Variants in KLF17 observed in about 807,000 individuals in gnomAD.
KLF17 encodes the protein KLF transcription factor 17.
Under a neutral mutation model 34.2 loss-of-function variants are expected in KLF17, and 31 were observed. The ratio of observed to expected loss-of-function variants is 0.91; its 90% CI spans 0.68 to 1.22. The LOEUF is 1.22. KLF17 is among the 50% of genes most tolerant of loss of function. The probability of loss-of-function intolerance (pLI) is 0.00; values close to 1 mark genes in which losing one functional copy is unlikely to be tolerated. For missense variants in KLF17, 478 were observed against 505.2 expected, an observed-to-expected ratio of 0.95 and a Z score of 0.52; for synonymous variants, 179 against 186.7, an observed-to-expected ratio of 0.96 and a Z score of 0.34.
At chr1:44,104,692 C>T in the KLF17 span, 176 of 401,762 alleles carry the variant, frequency 4.4e-4, no homozygotes, top group East Asian at 8.4e-3. Context: ...TGGGCCCACT[C>T]GTATAGGAGC....
At chr1:44,103,766 A>G in the KLF17 span, 8 of 1,099,302 alleles carry the variant, frequency 7.3e-6, no homozygotes, top group Non-Finnish European at 1.1e-5. Flanking sequence ...GCTGCTCGGC[A>G]TCTGTGATGG....
the KLF17 span, among the ~76,000 whole-genome samples, chr1:44,105,983 G>C: frequency 6.6e-6 from 1 of 152,060 alleles, no homozygotes; most frequent in Admixed American, 6.5e-5. Flanking sequence ...GGGCAACATA[G>C]TGAGATCCCA....
At position 44,118,894 on chromosome 1, in the gene KLF17, C is replaced by T; in HGVS notation, c.-14C>T. The T allele has an allele frequency of 1.9e-6, 3 of 1,606,880 alleles. No individual in the cohort carries two copies. Among genetic ancestry groups the T allele is most frequent in the Non-Finnish European group, 2.5e-6 (3 of 1,176,894 alleles). On this transcript the variant is annotated 5_prime_UTR_variant, in exon 1 of 4. Transcript: ENST00000372299. ...TGTCTCTTCAGTAGAGAGTCTAGAC[C>T]CCACCCAGTCTTCATGTACGGCCGA...
chr1:44,135,140 A>G lies in KLF17; in HGVS notation c.*1903A>G, dbSNP rs2088153741. ...TGTAAAAAATAAAATTAAAAGAAAA[A>G]GAAGGGAAAGTGATCTACTAGTACA... is the stretch of plus-strand genomic sequence containing the variant. On this transcript the variant is annotated 3_prime_UTR_variant, in exon 4 of 4. Coordinates refer to ENST00000372299, the MANE Select transcript of KLF17 (RefSeq NM_173484.4). The G allele has an allele frequency of 6.6e-6, 1 of 152,170 alleles. No homozygotes were observed. The highest frequency in any genetic ancestry group is 1.5e-5 in the Non-Finnish European group (1 of 68,028). 9.4% of individuals were successfully genotyped at this position (152,170 alleles called of 1,614,324 possible). A position where few individuals can be genotyped will look rare whatever the true frequency, so the allele number is the denominator to read the frequency against.
the KLF17 span, among the ~76,000 whole-genome samples, chr1:44,080,935 G>A: frequency 0.016 from 2,466 of 151,454 alleles, 80 homozygotes; most frequent in African/African-American, 0.057. Flanking sequence ...ACCTGGTCTC[G>A]AACTCCTGGA....
the KLF17 span, chr1:44,104,606 C>A: frequency 1.7e-6 from 1 of 580,600 alleles, no homozygotes; most frequent in Non-Finnish European, 3.2e-6. Flanking sequence ...GCTGGTCCCA[C>A]CATAGCCTCT....
chr1:44,058,117 G>C, the KLF17 span, among the ~76,000 whole-genome samples: 2 of 152,186 alleles, frequency 1.3e-5, no homozygotes, highest in Non-Finnish European at 2.9e-5. Flanking sequence ...TACAGCTAAA[G>C]TGACCCAGCA....
the KLF17 span, among the ~76,000 whole-genome samples, chr1:44,096,712 A>T: frequency 2.7e-5 from 4 of 149,516 alleles, no homozygotes; most frequent in African/African-American, 9.8e-5. Context: ...CGGTTTTTAA[A>T]AAAAAATTTT....
the KLF17 span, among the ~76,000 whole-genome samples, chr1:44,077,355 T>G: frequency 6.6e-6 from 1 of 151,224 alleles, no homozygotes. Context: ...AAAAAATAAA[T>G]AAAAAAGAAA....
the KLF17 span, among the ~76,000 whole-genome samples, chr1:44,099,833 GA>G: frequency 1.7e-4 from 2 of 11,856 alleles, no homozygotes; most frequent in Admixed American, 1.0e-3. Context: ...AAAGAAGAAA[GA>G]AAGAAAGAAA....
At chr1:44,096,237 T>G in the KLF17 span, among the ~76,000 whole-genome samples, 1 of 151,594 alleles carries the variant, frequency 6.6e-6, no homozygotes, top group Non-Finnish European at 1.5e-5. Context: ...CCACTGCACC[T>G]GGCCTTGGTG....
the KLF17 span, among the ~76,000 whole-genome samples, chr1:44,072,544 A>G: frequency 2.6e-5 from 4 of 151,970 alleles, no homozygotes; most frequent in South Asian, 8.3e-4. Context: ...AAATAAATAA[A>G]TAAATAAATA....
Position 44,129,876 on chromosome 1 carries a change from A to G in KLF17, c.605A>G (p.Gln202Arg), listed in dbSNP as rs2154311799. 1 of 1,614,216 alleles carries G rather than the reference A, an allele frequency of 6.2e-7. No homozygotes were observed. The highest frequency in any genetic ancestry group is 1.6e-4 in the Middle Eastern group (1 of 6,062). Residue 202 changes from glutamine (Q) to arginine (R), a missense_variant, in exon 2 of 4, where the codon CAG becomes CGG. By Grantham distance (43) the Gln-to-Arg change is conservative. Transcript: ENST00000372299. ...LGPTVPSTEA[Q>R]AVLPSMAQML... ...CCGACTGTGCCTTCCACTGAGGCCCAGGCAGTGCTCCCCTCCATGGCTCAG... is the reference window on the plus strand; with the variant it reads ...CCGACTGTGCCTTCCACTGAGGCCCGGGCAGTGCTCCCCTCCATGGCTCAG...
At chr1:44,123,059 A>G (rs575495031) in intron 1 of KLF17, among the ~76,000 whole-genome samples, 3 of 152,224 alleles carry the variant, frequency 2.0e-5, no homozygotes, top group East Asian at 3.9e-4. Flanking sequence ...TCTATTAGCA[A>G]TCTTCAAAGT....
rs142737468 is a variant in KLF17 at position 44,128,334 on chromosome 1, C to T, written c.82-1019C>T. Reference sequence around the variant, plus strand: ...GTGCTGGGATTACCTAGTTGTGAGCCGCTGCGCCTGGACTACTGACAGCTT... The same window carrying T: ...GTGCTGGGATTACCTAGTTGTGAGCTGCTGCGCCTGGACTACTGACAGCTT... On this transcript the variant is annotated intron_variant, in intron 1 of 3. Transcript: ENST00000372299. Among the ~76,000 whole-genome samples the T allele has an allele frequency of 1.0e-3, 152 of 152,234 alleles. 3 individuals are homozygous for T. The East Asian group carries it at 0.013, about 13-fold the overall frequency.
the KLF17 span, chr1:44,088,296 T>A: frequency 6.6e-6 from 1 of 152,150 alleles, no homozygotes; most frequent in Admixed American, 6.6e-5. Context: ...TGTATTTTTT[T>A]AGTAGAGATG....
chr1:44,095,439 T>C, the KLF17 span, among the ~76,000 whole-genome samples: 1 of 148,252 alleles, frequency 6.7e-6, no homozygotes, highest in Non-Finnish European at 1.5e-5. Context: ...GGTCTTGAAC[T>C]CCCGACCTCA....
the KLF17 span, among the ~76,000 whole-genome samples, chr1:44,046,539 TCACA>T: frequency 6.6e-3 from 168 of 25,330 alleles, no homozygotes; most frequent in South Asian, 0.048. Flanking sequence ...ACACACACAC[TCACA>T]CACACACACA....
In KLF17 at chr1:44,132,247, G is replaced by T. The variant is rs1232198338; in HGVS notation, c.*1-991G>T. Among the ~76,000 whole-genome samples the T allele has an allele frequency of 2.0e-5, 3 of 152,042 alleles. No homozygotes were observed. In the East Asian group the frequency reaches 5.8e-4, roughly 29 times the overall value. ...CTTGAACCCGGGAGGTGGAGGTTGCGGTGAGCCAAGATTGTGCCATTGCAC... is the reference window on the plus strand; with the variant it reads ...CTTGAACCCGGGAGGTGGAGGTTGCTGTGAGCCAAGATTGTGCCATTGCAC... On this transcript the variant is annotated intron_variant, in intron 3 of 3. Transcript: ENST00000372299.
Sources: gnomAD v4.1 joint callset for allele counts (sites outside exome capture counted in the v4.1 genomes callset) on GRCh38, gnomAD v4.1.1 for gene constraint, MANE v1.5 for transcripts, NCBI Gene and HGNC (gene_info 2026-07-23, HGNC 2026-07-21) for gene names.